The following JMY variants were observed in gnomAD, a reference collection of about 807,000 sequenced individuals.
The protein encoded by JMY is junction mediating and regulatory protein, p53 cofactor, also known as junction-mediating and -regulatory protein.
Under a neutral mutation model 103.3 loss-of-function variants are expected in JMY, and 46 were observed. The observed-to-expected ratio is 0.45, with a 90% CI of 0.35 to 0.57. The LOEUF (loss-of-function observed/expected upper bound fraction) is 0.57. JMY is among the 20% of genes least tolerant of loss of function. The pLI, the probability that JMY is intolerant of heterozygous loss-of-function variation, is 0.00. For missense variants in JMY, 1,238 were observed against 1,255.2 expected (o/e 0.99, Z 0.21); for synonymous variants, 526 against 489.3 (o/e 1.07, Z -0.99).
intron 1 of JMY, among the ~76,000 whole-genome samples, chr5:79,277,083 A>G (rs1439559182): frequency 6.6e-6 from 1 of 152,070 alleles, no homozygotes; most frequent in African/African-American, 2.4e-5. Context: ...AATATTTATC[A>G]CAGTTTGAAA....
chr5:79,239,109 A>G (rs11956833), intron 1 of JMY, among the ~76,000 whole-genome samples: 2,870 of 152,160 alleles, frequency 0.019, 93 homozygotes, highest in African/African-American at 0.066. Context: ...TCTTTATTAG[A>G]TTTGAGTATT....
intron 7 of JMY, among the ~76,000 whole-genome samples, chr5:79,306,895 A>G (rs1746900343): frequency 6.6e-6 from 1 of 152,208 alleles, no homozygotes; most frequent in African/African-American, 2.4e-5. Context: ...CACTGCTCCA[A>G]AAATCCCTTT....
chr5:79,270,767 T>G (rs951249430), intron 1 of JMY, among the ~76,000 whole-genome samples: 3 of 149,438 alleles, frequency 2.0e-5, no homozygotes, highest in Non-Finnish European at 4.4e-5. Flanking sequence ...ATATGTTAGC[T>G]CAAGGTTTTT....
chr5:79,275,251 C>T (rs1373371016), intron 1 of JMY, among the ~76,000 whole-genome samples: 3 of 151,644 alleles, frequency 2.0e-5, no homozygotes, highest in African/African-American at 7.3e-5. Context: ...AGCTCCGCCT[C>T]CCAGGTTCAC....
intron 1 of JMY, among the ~76,000 whole-genome samples, chr5:79,258,525 GGA>G (rs1366129444): frequency 1.3e-5 from 2 of 151,982 alleles, no homozygotes; most frequent in Non-Finnish European, 2.9e-5. Context: ...GCCTGCCAAG[GGA>G]GAGCCAGTCA....
At chr5:79,271,258 C>G (rs983990816) in intron 1 of JMY, among the ~76,000 whole-genome samples, 1 of 151,594 alleles carries the variant, frequency 6.6e-6, no homozygotes, top group African/African-American at 2.4e-5. Context: ...CCTTGAATTC[C>G]TGAGCTCAAG....
intron 3 of JMY, 100 bp downstream of exon 3, chr5:79,290,371 C>T: frequency 2.7e-6 from 2 of 746,444 alleles, no homozygotes; most frequent in Non-Finnish European, 3.8e-6. Flanking sequence ...ATAAAGATCA[C>T]TCATAATCCC....
rs752619725 is a variant in JMY, at chr5:79,236,642, G to T, written c.-9G>T. ...CGGCCCTTCCCCGCGGCGAGAAGCC[G>T]GAGCCACCATGTCGTTCGCGCTGGA... On this transcript the variant is annotated 5_prime_UTR_variant, in exon 1 of 11. Coordinates refer to ENST00000396137, the MANE Select transcript of JMY (RefSeq NM_152405.5). 1 of 1,386,838 alleles carries T rather than the reference G, an allele frequency of 7.2e-7. No individual in the cohort carries two copies. Among genetic ancestry groups the T allele is most frequent in the South Asian group, 1.7e-5 (1 of 58,620 alleles). 85.9% of individuals were successfully genotyped at this position (1,386,838 alleles called of 1,614,324 possible).
At chr5:79,279,674 G>A (rs999239581) in intron 2 of JMY, among the ~76,000 whole-genome samples, 16 of 152,050 alleles carry the variant, frequency 1.1e-4, no homozygotes, top group African/African-American at 2.9e-4. Context: ...ACAGTCACAC[G>A]ACTTAGACAT....
chr5:79,253,886 C>T (rs561113510), intron 1 of JMY, among the ~76,000 whole-genome samples: 86 of 150,584 alleles, frequency 5.7e-4, no homozygotes, highest in Middle Eastern at 3.5e-3. Flanking sequence ...AGGCTGGTCT[C>T]GAAATACTGG....
chr5:79,247,873 T>C (rs1271246493), intron 1 of JMY, among the ~76,000 whole-genome samples: 2 of 146,564 alleles, frequency 1.4e-5, no homozygotes, highest in Non-Finnish European at 3.0e-5. Flanking sequence ...TATTTTATTT[T>C]ATTTTATTTT....
intron 2 of JMY, among the ~76,000 whole-genome samples, chr5:79,288,005 C>A (rs1351555458): frequency 1.3e-5 from 2 of 152,228 alleles, no homozygotes; most frequent in South Asian, 2.1e-4. Flanking sequence ...GTTTTAAATT[C>A]AGAGGTAATT....
chr5:79,246,755 C>T (rs867656887), intron 1 of JMY, among the ~76,000 whole-genome samples: 2 of 152,046 alleles, frequency 1.3e-5, no homozygotes, highest in African/African-American at 4.8e-5. Flanking sequence ...GTGTTGGACA[C>T]CTGTAATCCC....
chr5:79,290,706 G>A (rs1448139845), intron 3 of JMY, among the ~76,000 whole-genome samples: 3 of 152,140 alleles, frequency 2.0e-5, no homozygotes, highest in African/African-American at 2.4e-5. Context: ...TAGAAATGTC[G>A]GCCGGGCACG....
Position 79,314,394 on chromosome 5 carries a change from T to G in JMY, c.2202T>G (p.Thr734=). The G allele has an allele frequency of 6.2e-7, 1 of 1,614,092 alleles. No homozygotes were observed. Among genetic ancestry groups the G allele is most frequent in the African/African-American group, 1.3e-5 (1 of 75,004 alleles). The change falls in exon 9 of 11, where the codon ACT becomes ACG. Residue 734 remains threonine, a synonymous_variant. Transcript: ENST00000396137. ...GTGTGTTACAGGTAGAAGAGAAAAC[T>G]GAAGAGGTGGGAGAAGGAAGAGTCA... The part of the protein sequence containing the change: ...LPSVLQVEEK[T]EEVGEGRVKR...
intron 1 of JMY, among the ~76,000 whole-genome samples, chr5:79,257,074 TA>T (rs1003758548): frequency 1.3e-5 from 2 of 151,590 alleles, no homozygotes; most frequent in African/African-American, 2.4e-5. Context: ...TATTTGATTT[TA>T]TTTTTTTTTT....
At chr5:79,263,968 GTA>G (rs774161203) in intron 1 of JMY, among the ~76,000 whole-genome samples, 9 of 151,594 alleles carry the variant, frequency 5.9e-5, no homozygotes, top group East Asian at 3.9e-4. Flanking sequence ...CAGCTAATTA[GTA>G]GAGACGGGGT....
intron 7 of JMY, 107 bp downstream of exon 7, chr5:79,306,568 A>G: frequency 1.3e-6 from 1 of 784,988 alleles, no homozygotes; most frequent in Non-Finnish European, 2.1e-6. Flanking sequence ...GCATGTTAAC[A>G]TTAGTTCAGT....
At chr5:79,263,256 GC>G (rs1311921192) in intron 1 of JMY, among the ~76,000 whole-genome samples, 1 of 152,160 alleles carries the variant, frequency 6.6e-6, no homozygotes, top group African/African-American at 2.4e-5. Context: ...GGGAATTATT[GC>G]CTTTGACCTA....
Sources: allele counts gnomAD v4.1 joint callset (sites outside exome capture counted in the v4.1 genomes callset), GRCh38; gene constraint gnomAD v4.1.1; transcripts MANE v1.5; gene names NCBI Gene and HGNC (gene_info 2026-07-23, HGNC 2026-07-21).